Variants in PMFBP1 observed in about 807,000 individuals in gnomAD.
The protein encoded by PMFBP1 is polyamine modulated factor 1 binding protein 1, also known as polyamine-modulated factor 1-binding protein 1.
Under a neutral mutation model 137.8 loss-of-function variants are expected in PMFBP1, and 131 were observed. The ratio of observed to expected loss-of-function variants is 0.95; its 90% CI spans 0.82 to 1.10. The LOEUF is 1.10. Among genes scored for constraint, PMFBP1 ranks in the 50% least tolerant of loss-of-function variants. The pLI, the probability that PMFBP1 is intolerant of heterozygous loss-of-function variation, is 0.00. For synonymous variants in PMFBP1, 490 were observed against 450.4 expected (o/e 1.09, Z -1.11); for missense variants, 1,199 against 1,175.4 (o/e 1.02, Z -0.29).
intron 14 of PMFBP1, among the ~76,000 whole-genome samples, chr16:72,128,166 G>A (rs2042489762): frequency 6.6e-6 from 1 of 152,200 alleles, no homozygotes; most frequent in African/African-American, 2.4e-5. Context: ...GCAGATGGAA[G>A]CCATGTAAAG....
chr16:72,168,331 A>G (rs1053863789), intron 2 of PMFBP1, among the ~76,000 whole-genome samples: 1 of 152,214 alleles, frequency 6.6e-6, no homozygotes, highest in African/African-American at 2.4e-5. Flanking sequence ...GGGAGTTATT[A>G]GAAAAGGCTG....
the PMFBP1 span, among the ~76,000 whole-genome samples, chr16:72,207,710 ATGTGTGTGTGTGTGTG>A: frequency 6.9e-6 from 1 of 143,920 alleles, no homozygotes; most frequent in Non-Finnish European, 1.5e-5. Context: ...CCAGTAGGGC[ATGTGTGTGTGTGTGTG>A]TGTGTGTGTG....
At chr16:72,228,228 T>TGCTAAG in the PMFBP1 span, among the ~76,000 whole-genome samples, 2 of 152,262 alleles carry the variant, frequency 1.3e-5, no homozygotes, top group East Asian at 1.9e-4. Context: ...TTCTGAGGAA[T>TGCTAAG]GCTAAGGCTA....
In PMFBP1 at chr16:72,125,410, C is replaced by T. The variant is rs768356235; in HGVS notation, c.2254-5G>A. On this transcript the variant is annotated splice_polypyrimidine_tract_variant and splice_region_variant and intron_variant, in intron 15 of 20. Coordinates refer to ENST00000237353, the MANE Select transcript of PMFBP1 (RefSeq NM_031293.3). ...CTCTGAGGTCACGTGATTGAGCTTC[C>T]GGAAAAGACAAAGAGGACGAATGGC... 24 of 1,607,614 alleles carry T rather than the reference C, an allele frequency of 1.5e-5. No homozygotes were observed. Among genetic ancestry groups the T allele is most frequent in the Admixed American group, 5.2e-5 (3 of 58,066 alleles).
At chr16:72,170,807 T>C (rs1213679059) in intron 2 of PMFBP1, among the ~76,000 whole-genome samples, 1 of 152,200 alleles carries the variant, frequency 6.6e-6, no homozygotes, top group Non-Finnish European at 1.5e-5. Flanking sequence ...AAAGAGAGAA[T>C]GTTAGCAACA....
intron 5 of PMFBP1, among the ~76,000 whole-genome samples, chr16:72,149,326 A>C (rs1303979963): frequency 6.6e-6 from 1 of 152,186 alleles, no homozygotes; most frequent in African/African-American, 2.4e-5. Flanking sequence ...AACTGGTAGA[A>C]CCTTTTTGGT....
the PMFBP1 span, among the ~76,000 whole-genome samples, chr16:72,243,705 A>G: frequency 2.6e-5 from 4 of 152,222 alleles, no homozygotes; most frequent in African/African-American, 9.6e-5. Context: ...ACACATTCAG[A>G]GACCTACTCA....
At chr16:72,139,524 C>T in intron 6 of PMFBP1, 125 bp from the exon 7 acceptor site, 1 of 770,434 alleles carries the variant, frequency 1.3e-6, no homozygotes, top group Non-Finnish European at 2.2e-6. Context: ...ATTCATCAGG[C>T]ATTCCCTGTG....
chr16:72,178,126 C>T (rs575278133), upstream of PMFBP1, among the ~76,000 whole-genome samples: 1 of 152,270 alleles, frequency 6.6e-6, no homozygotes, highest in East Asian at 1.9e-4. Flanking sequence ...CTCCTGAGCT[C>T]AAGCGATCTG....
chr16:72,188,892 C>A, the PMFBP1 span, among the ~76,000 whole-genome samples: 1 of 152,130 alleles, frequency 6.6e-6, no homozygotes, highest in Non-Finnish European at 1.5e-5. Context: ...TTTGCAGAGA[C>A]CTGCCTTGTG....
At chr16:72,223,440 T>C in the PMFBP1 span, among the ~76,000 whole-genome samples, 1 of 152,208 alleles carries the variant, frequency 6.6e-6, no homozygotes, top group African/African-American at 2.4e-5. Flanking sequence ...GATGCCAATA[T>C]CCAAGTGGGT....
chr16:72,236,043 A>G, the PMFBP1 span, among the ~76,000 whole-genome samples: 1 of 152,132 alleles, frequency 6.6e-6, no homozygotes, highest in Admixed American at 6.6e-5. Flanking sequence ...AGAAATGATG[A>G]GAGTAGATGT....
At chr16:72,214,101 G>A in the PMFBP1 span, among the ~76,000 whole-genome samples, 1 of 152,204 alleles carries the variant, frequency 6.6e-6, no homozygotes, top group Admixed American at 6.5e-5. Flanking sequence ...ACTATCAGAA[G>A]AAACAGCTAG....
At chr16:72,165,037 T>C (rs2043124850) in intron 2 of PMFBP1, 121 bp from the exon 3 acceptor site, 4 of 1,000,240 alleles carry the variant, frequency 4.0e-6, no homozygotes, top group Non-Finnish European at 5.7e-6. Context: ...AACCATTAGC[T>C]GTTATTACTC....
intron 19 of PMFBP1, among the ~76,000 whole-genome samples, chr16:72,122,089 T>C (rs1290695599): frequency 6.6e-6 from 1 of 152,162 alleles, no homozygotes; most frequent in Non-Finnish European, 1.5e-5. Context: ...TGTTGTTTCC[T>C]TCTTTGTGTT....
At position 72,158,277 on chromosome 16, in the gene PMFBP1, A is replaced by G. The variant is rs189619417; in HGVS notation, c.166-3818T>C. Among the ~76,000 whole-genome samples, 8 of 152,362 alleles carry G rather than the reference A, an allele frequency of 5.3e-5. No individual in the cohort carries two copies. The East Asian group carries it at 1.3e-3, about 26-fold the overall frequency. ...ACGCCAGTGTATGTGGCTGGAGGAA[A>G]GTTGATGAGACCTCTTTTCTAAGTT... On this transcript the variant is annotated intron_variant, in intron 3 of 20. Coordinates refer to ENST00000237353, the MANE Select transcript of PMFBP1 (RefSeq NM_031293.3).
the PMFBP1 span, among the ~76,000 whole-genome samples, chr16:72,196,773 G>A: frequency 1.3e-4 from 20 of 152,192 alleles, no homozygotes; most frequent in Non-Finnish European, 1.8e-4. Context: ...CCAATCTCTC[G>A]TGCCATTCTG....
At chr16:72,219,114 C>T in the PMFBP1 span, among the ~76,000 whole-genome samples, 1 of 152,156 alleles carries the variant, frequency 6.6e-6, no homozygotes, top group African/African-American at 2.4e-5. Flanking sequence ...CATTACCTCA[C>T]ATACTTATTT....
At chr16:72,196,596 C>T in the PMFBP1 span, among the ~76,000 whole-genome samples, 1 of 152,218 alleles carries the variant, frequency 6.6e-6, no homozygotes, top group Non-Finnish European at 1.5e-5. Flanking sequence ...TGTGGAGCAG[C>T]TGGGTAAGCA....
Sources: allele counts gnomAD v4.1 joint callset (sites outside exome capture counted in the v4.1 genomes callset), GRCh38; gene constraint gnomAD v4.1.1; transcripts MANE v1.5; gene names NCBI Gene and HGNC (gene_info 2026-07-23, HGNC 2026-07-21).